The following CTNNA2 variants were observed in gnomAD, a reference collection of about 807,000 sequenced individuals.
CTNNA2 encodes catenin alpha-2.
Under a neutral mutation model 101.0 loss-of-function variants are expected in CTNNA2, and 42 were observed. That is an observed-to-expected ratio of 0.42 (90% CI 0.32 to 0.54). The LOEUF (loss-of-function observed/expected upper bound fraction) is 0.54, where lower values mean the gene tolerates loss of function less well. Ranked by LOEUF, CTNNA2 falls within the 20% of genes least tolerant of loss-of-function variation. The probability of loss-of-function intolerance (pLI) is 0.14; values close to 1 mark genes in which losing one functional copy is unlikely to be tolerated. For missense variants in CTNNA2, 871 were observed against 1,223.1 expected (o/e 0.71, Z 4.29); for synonymous variants, 450 against 456.4 (o/e 0.99, Z 0.18).
chr2:79,197,101 T>G (rs938768583), intron 1 of CTNNA2, among the ~76,000 whole-genome samples: 4 of 152,192 alleles, frequency 2.6e-5, no homozygotes, highest in Non-Finnish European at 5.9e-5. Context: ...ACATGCAAAG[T>G]GCTGAAAATT....
chr2:79,401,464 AT>A, intron 4 of CTNNA2, among the ~76,000 whole-genome samples: 1 of 151,872 alleles, frequency 6.6e-6, no homozygotes, highest in East Asian at 1.9e-4. Context: ...TAGCACAAAC[AT>A]ACCATGAGAA....
intron 3 of CTNNA2, among the ~76,000 whole-genome samples, chr2:79,327,429 A>G (rs1434220): frequency 0.088 from 13,455 of 152,230 alleles, 604 homozygotes; most frequent in African/African-American, 0.1. Flanking sequence ...GCTCAGGAAT[A>G]CAGGATTGAG....
intron 1 of CTNNA2, among the ~76,000 whole-genome samples, chr2:79,550,774 T>G (rs1207653913): frequency 6.6e-6 from 1 of 152,158 alleles, no homozygotes; most frequent in Non-Finnish European, 1.5e-5. Context: ...CCTTTAGACC[T>G]TACAACGTGA....
chr2:79,710,402 C>T (rs1457747128), intron 2 of CTNNA2, among the ~76,000 whole-genome samples: 1 of 152,098 alleles, frequency 6.6e-6, no homozygotes, highest in Non-Finnish European at 1.5e-5. Context: ...AGTGCTTACA[C>T]CTATTTTGAA....
intron 1 of CTNNA2, among the ~76,000 whole-genome samples, chr2:79,534,428 A>G (rs1469653572): frequency 6.6e-6 from 1 of 152,112 alleles, no homozygotes; most frequent in East Asian, 1.9e-4. Flanking sequence ...ATAAGTTTAT[A>G]TAGCTTCCTG....
intron 3 of CTNNA2, among the ~76,000 whole-genome samples, chr2:79,797,378 T>C (rs1392082393): frequency 6.6e-6 from 1 of 152,140 alleles, no homozygotes; most frequent in Non-Finnish European, 1.5e-5. Flanking sequence ...TTGAGTGGCT[T>C]GGCTGGGTGT....
intron 3 of CTNNA2, among the ~76,000 whole-genome samples, chr2:79,804,505 G>A (rs1676412977): frequency 6.6e-6 from 1 of 152,102 alleles, no homozygotes; most frequent in South Asian, 2.1e-4. Flanking sequence ...TGCAGCAGTG[G>A]CCAACTTCTT....
chr2:80,149,667 G>T (rs996384819), intron 7 of CTNNA2, among the ~76,000 whole-genome samples: 1 of 152,088 alleles, frequency 6.6e-6, no homozygotes, highest in African/African-American at 2.4e-5. Context: ...GATTGCCTGT[G>T]TAGACACTGA....
intron 3 of CTNNA2, among the ~76,000 whole-genome samples, chr2:79,819,207 G>A (rs1239705393): frequency 1.3e-5 from 2 of 151,654 alleles, no homozygotes; most frequent in African/African-American, 4.8e-5. Flanking sequence ...TTGAACTCCC[G>A]ACCTCAGGTG....
At chr2:79,961,588 T>A (rs1312981114) in intron 7 of CTNNA2, among the ~76,000 whole-genome samples, 1 of 152,096 alleles carries the variant, frequency 6.6e-6, no homozygotes, top group Non-Finnish European at 1.5e-5. Context: ...TTTGGGAGGC[T>A]GAGGCGGGCG....
chr2:79,718,671 G>A (rs944221215), intron 2 of CTNNA2, among the ~76,000 whole-genome samples: 5 of 152,096 alleles, frequency 3.3e-5, no homozygotes, highest in Admixed American at 2.0e-4. Flanking sequence ...GATTAAGACC[G>A]TATATACACA....
intron 7 of CTNNA2, among the ~76,000 whole-genome samples, chr2:80,102,215 CA>C (rs1206329503): frequency 2.0e-5 from 3 of 152,196 alleles, no homozygotes; most frequent in African/African-American, 7.2e-5. Flanking sequence ...CAATCTTTCT[CA>C]TATCTTCCTC....
intron 7 of CTNNA2, among the ~76,000 whole-genome samples, chr2:80,170,209 A>ATCTCTC (rs1157144222): frequency 3.5e-5 from 5 of 144,314 alleles, no homozygotes; most frequent in Admixed American, 1.4e-4. Flanking sequence ...CTCTCTCTCT[A>ATCTCTC]TCTCTCTCTC....
chr2:80,623,852 T>C (rs1671397459), intron 18 of CTNNA2, among the ~76,000 whole-genome samples: 1 of 151,908 alleles, frequency 6.6e-6, no homozygotes, highest in African/African-American at 2.4e-5. Context: ...TTAGAAGCAG[T>C]TTCAGAGTAA....
chr2:80,300,319 T>C (rs1326682134), intron 7 of CTNNA2, among the ~76,000 whole-genome samples: 1 of 145,216 alleles, frequency 6.9e-6, no homozygotes, highest in African/African-American at 2.7e-5. Flanking sequence ...TGTGTGTGTG[T>C]GTGTGTGTGT....
At chr2:79,236,964 G>T (rs940942368) in intron 2 of CTNNA2, among the ~76,000 whole-genome samples, 2 of 152,192 alleles carry the variant, frequency 1.3e-5, no homozygotes, top group Non-Finnish European at 2.9e-5. Context: ...AAATTCCTAT[G>T]AATGTTGGTA....
At chr2:80,299,109 G>C (rs985618677) in intron 7 of CTNNA2, 1 of 152,106 alleles carries the variant, frequency 6.6e-6, no homozygotes. Context: ...TGCCCAGGAC[G>C]AGACGTGAAT....
chr2:80,297,995 A>G (rs930687538), intron 7 of CTNNA2, among the ~76,000 whole-genome samples: 13 of 150,776 alleles, frequency 8.6e-5, no homozygotes, highest in African/African-American at 2.9e-4. Context: ...GTGGTTATAT[A>G]TGTGTGTGTG....
At chr2:79,972,847 G>A (rs572781712) in intron 7 of CTNNA2, among the ~76,000 whole-genome samples, 66 of 152,260 alleles carry the variant, frequency 4.3e-4, no homozygotes, top group African/African-American at 1.6e-3. Context: ...AATACTGTTA[G>A]TGTTCACCCG....
Sources: allele counts gnomAD v4.1 joint callset (sites outside exome capture counted in the v4.1 genomes callset), GRCh38; gene constraint gnomAD v4.1.1; transcripts MANE v1.5; gene names NCBI Gene and HGNC (gene_info 2026-07-23, HGNC 2026-07-21).